ABCA1: variants seen among roughly 807,000 people sequenced by gnomAD.
ABCA1 encodes the protein ATP binding cassette subfamily A member 1.
Under a neutral mutation model 262.5 loss-of-function variants are expected in ABCA1, and 133 were observed. That is an observed-to-expected ratio of 0.51 (90% CI 0.44 to 0.59). The LOEUF is 0.59. ABCA1 is among the 20% of genes least tolerant of loss of function. ABCA1 has a pLI of 0.00. For missense variants in ABCA1, 2,452 were observed against 2,777.5 expected (o/e 0.88, Z 2.63); for synonymous variants, 1,022 against 1,043.5 (o/e 0.98, Z 0.40).
intron 2 of ABCA1, among the ~76,000 whole-genome samples, chr9:104,892,625 C>T (rs939482343): frequency 2.0e-5 from 3 of 152,108 alleles, no homozygotes; most frequent in Non-Finnish European, 4.4e-5. Flanking sequence ...ACTAAGCCTA[C>T]CACATGATAA....
chr9:104,839,676 A>T (rs979351961), intron 9 of ABCA1, among the ~76,000 whole-genome samples: 1 of 152,158 alleles, frequency 6.6e-6, no homozygotes, highest in Non-Finnish European at 1.5e-5. Flanking sequence ...AAAATTGTAT[A>T]TATTTAAGGT....
chr9:104,806,546 T>C, intron 30 of ABCA1, 116 bp from the exon 31 acceptor site: 1 of 1,023,904 alleles, frequency 9.8e-7, no homozygotes, highest in East Asian at 2.6e-5. Context: ...TCCCTCACCA[T>C]TTGGAAAAGA....
intron 37 of ABCA1, among the ~76,000 whole-genome samples, chr9:104,798,152 G>A (rs1564091961): frequency 6.6e-6 from 1 of 152,174 alleles, no homozygotes; most frequent in African/African-American, 2.4e-5. Context: ...TGATTCTTGG[G>A]AAAGTTGTCA....
intron 2 of ABCA1, among the ~76,000 whole-genome samples, chr9:104,901,934 T>G (rs995223032): frequency 3.3e-5 from 5 of 152,204 alleles, no homozygotes; most frequent in African/African-American, 1.2e-4. Context: ...GGAAGCTCAT[T>G]CTAAGTGTTT....
intron 28 of ABCA1, 130 bp downstream of exon 28, chr9:104,812,444 G>C: frequency 8.3e-7 from 1 of 1,207,626 alleles, no homozygotes; most frequent in South Asian, 1.3e-5. Flanking sequence ...AATAGAACTG[G>C]GATTGAAATA....
intron 7 of ABCA1, among the ~76,000 whole-genome samples, chr9:104,857,678 G>A (rs1055910537): frequency 9.2e-5 from 14 of 152,050 alleles, no homozygotes; most frequent in African/African-American, 2.4e-4. Flanking sequence ...TAAAGAATTC[G>A]TGCTGCACAA....
In ABCA1 at chr9:104,867,817, C is replaced by T. The variant is rs77522284; in HGVS notation, c.422-6017G>A. Among the ~76,000 whole-genome samples the T allele has an allele frequency of 5.0e-3, 768 of 152,262 alleles. 4 individuals are homozygous for T. The highest frequency in any genetic ancestry group is 9.3e-3 in the Non-Finnish European group (634 of 68,020). On this transcript the variant is annotated intron_variant, in intron 5 of 49. Coordinates refer to ENST00000374736, the MANE Select transcript of ABCA1 (RefSeq NM_005502.4). Reference sequence around the variant, plus strand: ...ATTCCACACAAGACAGGGAATACTTCCTGAACAGGAGAGTCATTTAGCCAC... The same window carrying T: ...ATTCCACACAAGACAGGGAATACTTTCTGAACAGGAGAGTCATTTAGCCAC...
At chr9:104,925,798 T>C (rs960545173) in intron 1 of ABCA1, among the ~76,000 whole-genome samples, 4 of 152,230 alleles carry the variant, frequency 2.6e-5, no homozygotes, top group Non-Finnish European at 4.4e-5. Flanking sequence ...AGGAATACTT[T>C]CCATGCTTCC....
chr9:104,849,945 T>C (rs576460701), intron 7 of ABCA1, among the ~76,000 whole-genome samples: 23 of 152,354 alleles, frequency 1.5e-4, no homozygotes, highest in Non-Finnish European at 3.1e-4. Flanking sequence ...ATACATAGAA[T>C]GTAAGTATAC....
intron 40 of ABCA1, 55 bp from the exon 41 acceptor site, chr9:104,793,355 C>T (rs909149472): frequency 2.5e-6 from 4 of 1,613,004 alleles, no homozygotes; most frequent in Non-Finnish European, 2.5e-6. Flanking sequence ...AAACCATGGC[C>T]CTTCCTCAAA....
chr9:104,896,824 G>A (rs2027403), intron 2 of ABCA1, among the ~76,000 whole-genome samples: 65,660 of 143,054 alleles, frequency 0.46, 15,916 homozygotes, highest in African/African-American at 0.66. Context: ...TTGACCACCT[G>A]GACTCAAGCA....
intron 30 of ABCA1, among the ~76,000 whole-genome samples, chr9:104,807,583 A>G (rs1313603725): frequency 1.3e-5 from 2 of 152,112 alleles, no homozygotes; most frequent in East Asian, 3.9e-4. Context: ...TGGGAGGCGA[A>G]GGCGGGTGGA....
In ABCA1 at chr9:104,785,571, TC is replaced by T; in HGVS notation, c.6469del (p.Asp2157IlefsTer12). 6.2e-7 allele frequency: 1 copy of T among 1,613,694 alleles called. No homozygotes were observed. Among genetic ancestry groups the T allele is most frequent in the Non-Finnish European group, 8.5e-7 (1 of 1,179,708 alleles). On this transcript the variant is annotated frameshift_variant, in exon 49 of 50. Coordinates refer to ENST00000374736, the MANE Select transcript of ABCA1 (RefSeq NM_005502.4). LOFTEE classifies it high-confidence loss of function. ...GSNPDLKPVQ[D>X]FFGLAFPGSV... is the part of the protein sequence containing the mutation. ...TCCAGGAAATGCAAGTCCAAAGAAA[TC>T]CTGGACAGGCTTCAGGTCCGGGTTG...
chr9:104,787,996 C>T lies in ABCA1; in HGVS notation c.6128G>A (p.Gly2043Asp). Residue 2043 changes from glycine (G) to aspartate (D), a missense_variant, in exon 46 of 50, where the codon GGT (glycine) becomes GAT (aspartate). Gly to Asp is a moderately conservative substitution (Grantham distance 94). Around this residue, in one of 4 missense-constraint regions of ABCA1, gnomAD observed 752 missense variants for 944.5 expected, o/e 0.80. Transcript: ENST00000374736. ...GCGTTTGTTGCCTCCACTATAGTTA[C>T]CAGCATATTTTTCTCCATACTTCAC... ...GLVKYGEKYA[G>D]NYSGGNKRKL... The T allele has an allele frequency of 2.5e-6, 4 of 1,614,166 alleles. No individual in the cohort carries two copies. The highest frequency in any genetic ancestry group is 2.5e-6 in the Non-Finnish European group (3 of 1,180,036).
At position 104,883,171 on chromosome 9, in the gene ABCA1, A is replaced by G. The variant is rs2119172801; in HGVS notation, c.303-14T>C. 1 of 1,608,796 alleles carries G rather than the reference A, an allele frequency of 6.2e-7. No individual in the cohort carries two copies. The highest frequency in any genetic ancestry group is 1.1e-5 in the South Asian group (1 of 90,958). ...AGGCGAGCCACACTGTAAAGGGTGC[A>G]AGAAAAGGCGAAAGGCTTTAGCTAG... is the stretch of plus-strand genomic sequence containing the variant. On this transcript the variant is annotated splice_polypyrimidine_tract_variant and intron_variant, in intron 4 of 49. Coordinates refer to ENST00000374736, the MANE Select transcript of ABCA1 (RefSeq NM_005502.4).
At chr9:104,900,350 C>G (rs1365570730) in intron 2 of ABCA1, among the ~76,000 whole-genome samples, 1 of 152,208 alleles carries the variant, frequency 6.6e-6, no homozygotes, top group African/African-American at 2.4e-5. Context: ...AAGGGCCAGG[C>G]TCTGTGCTGG....
At chr9:104,831,198 A>C in intron 13 of ABCA1, 97 bp from the exon 14 acceptor site, 1 of 1,130,700 alleles carries the variant, frequency 8.8e-7, no homozygotes, top group Non-Finnish European at 1.2e-6. Context: ...ACCCTTACCA[A>C]GCCCCTTTTT....
At position 104,814,420 on chromosome 9, in the gene ABCA1, C is replaced by G; in HGVS notation, c.3787+7G>C. The G allele has an allele frequency of 6.2e-7, 1 of 1,614,056 alleles. No homozygotes were observed. Among genetic ancestry groups the G allele is most frequent in the Middle Eastern group, 1.6e-4 (1 of 6,062 alleles). On this transcript the variant is annotated splice_region_variant and intron_variant, in intron 26 of 49. Transcript: ENST00000374736. ...TTAAGTGTGCCATTCTCCCTCAAGGCAGTTACCTGAGGTCTCAGCATCCAC... is the reference window on the plus strand; with the variant it reads ...TTAAGTGTGCCATTCTCCCTCAAGGGAGTTACCTGAGGTCTCAGCATCCAC...
At position 104,903,732 on chromosome 9, in the gene ABCA1, G is replaced by T. The variant is rs984907467; in HGVS notation, c.-53C>A. ...TGGCTCGGGAGCCCTGGAAGGCAGC[G>T]GCCAGAGCTCACAGCAGGGACGCCG... is the stretch of plus-strand genomic sequence containing the variant. On this transcript the variant is annotated 5_prime_UTR_variant, in exon 2 of 50. Coordinates refer to ENST00000374736, the MANE Select transcript of ABCA1 (RefSeq NM_005502.4). 6 of 1,529,714 alleles carry T rather than the reference G, an allele frequency of 3.9e-6. No homozygotes were observed. Among genetic ancestry groups the T allele is most frequent in the Non-Finnish European group, 5.3e-6 (6 of 1,126,618 alleles). The allele number at this position is 1,529,714 out of a possible 1,614,324, so 94.8% of individuals were successfully genotyped here. A position where few individuals can be genotyped will look rare whatever the true frequency, so the allele number is the denominator to read the frequency against.
Sources: allele counts gnomAD v4.1 joint callset (sites outside exome capture counted in the v4.1 genomes callset), GRCh38; gene constraint gnomAD v4.1.1; regional missense constraint gnomAD v4.1.1; transcripts MANE v1.5; gene names NCBI Gene and HGNC (gene_info 2026-07-23, HGNC 2026-07-21).